SMAD1: variants seen among roughly 807,000 people sequenced by gnomAD.
SMAD1 encodes the protein MAD, mothers against decapentaplegic homolog 1.
In SMAD1, 6 loss-of-function variants were observed where a neutral mutation model predicts 41.6. The ratio of observed to expected loss-of-function variants is 0.14; its 90% CI spans 0.08 to 0.28. The LOEUF is 0.28. Among genes scored for constraint, SMAD1 ranks in the 10% least tolerant of loss-of-function variants. The probability of loss-of-function intolerance (pLI) is 1.00; values close to 1 mark genes in which losing one functional copy is unlikely to be tolerated. For synonymous variants in SMAD1, 206 were observed against 203.2 expected (o/e 1.01, Z -0.12); for missense variants, 379 against 582.6 (o/e 0.65, Z 3.60).
intron 1 of SMAD1, chr4:145,497,270 A>G (rs1036587786): frequency 6.6e-6 from 1 of 152,356 alleles, no homozygotes; most frequent in African/African-American, 2.4e-5. Flanking sequence ...TTTCCACTGT[A>G]GGGTAAGTAA....
chr4:145,552,715 C>T (rs1337832962), intron 5 of SMAD1, among the ~76,000 whole-genome samples: 3 of 152,124 alleles, frequency 2.0e-5, no homozygotes, highest in Non-Finnish European at 2.9e-5. Context: ...TCTTCTCTTT[C>T]TCCTTTCTTC....
At chr4:145,499,330 T>C (rs1729291048) in intron 1 of SMAD1, among the ~76,000 whole-genome samples, 1 of 152,178 alleles carries the variant, frequency 6.6e-6, no homozygotes, top group African/African-American at 2.4e-5. Context: ...TTAAAATTAT[T>C]TTATAAGATT....
At chr4:145,505,754 G>A (rs145936244) in intron 1 of SMAD1, among the ~76,000 whole-genome samples, 18 of 152,162 alleles carry the variant, frequency 1.2e-4, no homozygotes, top group Admixed American at 3.3e-4. Context: ...ATCTGTTTAA[G>A]AATATATCTG....
In SMAD1 at chr4:145,501,926, G is replaced by C. The variant is rs190401506; in HGVS notation, c.-176-12512G>C. Among the ~76,000 whole-genome samples, 18 of 152,212 alleles carry C rather than the reference G, an allele frequency of 1.2e-4. 1 individual carries two copies. Among genetic ancestry groups the C allele is most frequent in the Admixed American group, 2.6e-4 (4 of 15,298 alleles). On this transcript the variant is annotated intron_variant, in intron 1 of 6. Coordinates refer to ENST00000302085, the MANE Select transcript of SMAD1 (RefSeq NM_005900.3). The stretch of plus-strand genomic sequence containing the variant: ...GTAATAATGTTTGTAAAAACAACCA[G>C]TATAATGCTTGTATAAGTTGGTAAC...
intron 1 of SMAD1, among the ~76,000 whole-genome samples, chr4:145,492,837 C>G (rs1728847889): frequency 2.0e-5 from 3 of 152,178 alleles, no homozygotes; most frequent in Non-Finnish European, 4.4e-5. Flanking sequence ...GGTTGAAGCC[C>G]AAATATATAT....
intron 4 of SMAD1, among the ~76,000 whole-genome samples, chr4:145,542,960 T>A (rs1732035943): frequency 6.6e-6 from 1 of 152,108 alleles, no homozygotes; most frequent in Admixed American, 6.6e-5. Flanking sequence ...AATTTTTAAC[T>A]GATGATGAAA....
Position 145,514,401 on chromosome 4 carries a change from T to G in SMAD1, c.-176-37T>G. ...TTACTTAATAAATGTGGTTGTATGGTAAAGATGATTCTAACCATTCTTTTT... is the reference window on the plus strand; with the variant it reads ...TTACTTAATAAATGTGGTTGTATGGGAAAGATGATTCTAACCATTCTTTTT... On this transcript the variant is annotated intron_variant, in intron 1 of 6. Transcript: ENST00000302085. This position sits in a 1 kb window ranked among gnomAD's most constrained non-coding sequence, Gnocchi z 4.7. 2.0e-6 allele frequency: 1 copy of G among 504,654 alleles called. No homozygotes were observed. The highest frequency in any genetic ancestry group is 3.5e-6 in the Non-Finnish European group (1 of 289,330). 31.3% of individuals were successfully genotyped at this position (504,654 alleles called of 1,614,324 possible).
At chr4:145,525,004 G>C (rs539812683) in intron 2 of SMAD1, among the ~76,000 whole-genome samples, 1 of 152,184 alleles carries the variant, frequency 6.6e-6, no homozygotes, top group Non-Finnish European at 1.5e-5. Flanking sequence ...GGAGGTTTGA[G>C]TAAGTTTTAT....
chr4:145,518,350 G>A (rs142165659), intron 2 of SMAD1, among the ~76,000 whole-genome samples: 4,675 of 125,004 alleles, frequency 0.037, 1,381 homozygotes, highest in Non-Finnish European at 0.062. Flanking sequence ...TAAGCCTGGC[G>A]AGGTGGGGGG....
At chr4:145,483,704 G>A (rs73852319) in intron 1 of SMAD1, among the ~76,000 whole-genome samples, 18,594 of 152,126 alleles carry the variant, frequency 0.12, 3,512 homozygotes, top group African/African-American at 0.41. Flanking sequence ...TTCTTAGGAA[G>A]GTGTAGCTAG....
intron 4 of SMAD1, among the ~76,000 whole-genome samples, chr4:145,543,674 C>A (rs1732078685): frequency 6.6e-6 from 1 of 152,138 alleles, no homozygotes; most frequent in Admixed American, 6.5e-5. Context: ...TCTTCCAGCT[C>A]TACATAGGCA....
intron 4 of SMAD1, chr4:145,545,300 A>G (rs1480140716): frequency 6.6e-6 from 1 of 152,234 alleles, no homozygotes; most frequent in Non-Finnish European, 1.5e-5. Flanking sequence ...AAAATTCATC[A>G]ACCTCTGACC....
chr4:145,557,001 G>A (rs913333746), intron 6 of SMAD1, among the ~76,000 whole-genome samples: 8 of 151,938 alleles, frequency 5.3e-5, no homozygotes, highest in South Asian at 4.2e-4. Context: ...TTAAAACTAC[G>A]GGAGTAGATA....
At chr4:145,523,885 C>CT (rs1730890357) in intron 2 of SMAD1, among the ~76,000 whole-genome samples, 1 of 152,028 alleles carries the variant, frequency 6.6e-6, no homozygotes, top group South Asian at 2.1e-4. Context: ...CATGGAAGTT[C>CT]TTTTTTGGCT....
At chr4:145,546,290 C>T (rs1732248516) in intron 4 of SMAD1, 1 of 171,156 alleles carries the variant, frequency 5.8e-6, no homozygotes, top group Non-Finnish European at 1.3e-5. Flanking sequence ...GGCATATTTT[C>T]AGTCTTCTAT....
intron 1 of SMAD1, among the ~76,000 whole-genome samples, chr4:145,490,698 G>C (rs1728727170): frequency 6.6e-6 from 1 of 152,084 alleles, no homozygotes; most frequent in African/African-American, 2.4e-5. Context: ...TGAGAATCTT[G>C]GTAATGAAGT....
intron 1 of SMAD1, chr4:145,483,324 C>T (rs1266787657): frequency 6.6e-6 from 1 of 152,036 alleles, no homozygotes; most frequent in East Asian, 1.9e-4. Flanking sequence ...GCCGCTAAAT[C>T]TCAGAATGCC....
chr4:145,486,528 C>CT (rs11392205), intron 1 of SMAD1, among the ~76,000 whole-genome samples: 18,759 of 152,076 alleles, frequency 0.12, 3,516 homozygotes, highest in African/African-American at 0.41. Context: ...GTTTAAGAAT[C>CT]GATGAAACTA....
intron 1 of SMAD1, among the ~76,000 whole-genome samples, chr4:145,499,625 G>A (rs1208272191): frequency 6.6e-6 from 1 of 152,088 alleles, no homozygotes; most frequent in African/African-American, 2.4e-5. Context: ...AAGAAAAAAA[G>A]AAAAATTTCA....
Sources: allele counts gnomAD v4.1 joint callset (sites outside exome capture counted in the v4.1 genomes callset), GRCh38; gene constraint gnomAD v4.1.1; non-coding constraint Gnocchi (gnomAD v3.1); transcripts MANE v1.5; gene names NCBI Gene and HGNC (gene_info 2026-07-23, HGNC 2026-07-21).